The following A1CF variants were observed in gnomAD, a reference collection of about 807,000 sequenced individuals.
A1CF encodes the protein APOBEC1 complementation factor.
Under a neutral mutation model 68.9 loss-of-function variants are expected in A1CF, and 48 were observed. The observed-to-expected ratio is 0.70, with a 90% CI of 0.55 to 0.89. The LOEUF (loss-of-function observed/expected upper bound fraction) is 0.89, where lower values mean the gene tolerates loss of function less well. A1CF is among the 40% of genes least tolerant of loss of function. A1CF has a pLI of 0.00. For synonymous variants in A1CF, 272 were observed against 260.4 expected, an observed-to-expected ratio of 1.04 and a Z score of -0.43; for missense variants, 653 against 718.9, an observed-to-expected ratio of 0.91 and a Z score of 1.05.
intron 1 of A1CF, among the ~76,000 whole-genome samples, chr10:50,879,587 T>C (rs987873636): frequency 6.6e-6 from 1 of 152,120 alleles, no homozygotes; most frequent in Non-Finnish European, 1.5e-5. Flanking sequence ...TTAGGCCTTC[T>C]TATGTGACAG....
At chr10:50,839,765 G>A (rs999549603) in intron 5 of A1CF, among the ~76,000 whole-genome samples, 5 of 152,176 alleles carry the variant, frequency 3.3e-5, no homozygotes, top group African/African-American at 1.2e-4. Context: ...TTTGTTTTTT[G>A]AGACAGAGTT....
intron 7 of A1CF, among the ~76,000 whole-genome samples, chr10:50,827,324 A>T (rs999290606): frequency 3.3e-5 from 5 of 152,210 alleles, no homozygotes; most frequent in African/African-American, 1.2e-4. Context: ...AATCAACAGA[A>T]TATACATTCT....
chr10:50,853,060 T>G (rs1179415212), intron 3 of A1CF, among the ~76,000 whole-genome samples: 6 of 152,106 alleles, frequency 3.9e-5, no homozygotes, highest in Non-Finnish European at 7.4e-5. Context: ...TGAAATTCCA[T>G]ACAAGAGAGA....
Position 50,811,016 on chromosome 10 carries a change from A to G in A1CF, c.1460+24T>C, listed in dbSNP as rs376116129. ...TAAGTGTATCCTGCTCTAAAATGGTAAGGAATTTGGAGAAGTTACGCACAT... is the reference window on the plus strand; with the variant it reads ...TAAGTGTATCCTGCTCTAAAATGGTGAGGAATTTGGAGAAGTTACGCACAT... On this transcript the variant is annotated intron_variant, in intron 11 of 12. Coordinates refer to ENST00000373997, the MANE Select transcript of A1CF (RefSeq NM_014576.4). The G allele has an allele frequency of 3.4e-4, 549 of 1,600,524 alleles. 3 individuals carry two copies. The highest frequency in any genetic ancestry group is 2.5e-4 in the Non-Finnish European group (295 of 1,171,584).
intron 12 of A1CF, among the ~76,000 whole-genome samples, chr10:50,807,678 A>G (rs961513397): frequency 2.0e-5 from 3 of 152,240 alleles, no homozygotes; most frequent in African/African-American, 7.2e-5. Context: ...ATTAGCTACT[A>G]TCTAAAGCAT....
Position 50,816,209 on chromosome 10 carries a change from G to C in A1CF, c.938C>G (p.Thr313Ser). Residue 313 changes from threonine to serine, a missense_variant, in exon 9 of 13, where the codon ACC becomes AGC. Physicochemically the swap from Thr to Ser is moderately conservative, Grantham distance 58. Transcript: ENST00000373997. ...PVDKDSYVRY[T>S]RGTGGRGTML... Reference sequence around the variant, plus strand: ...GGTGCCCCTTCCACCTGTGCCTCGGGTATACCTAACATAACTGTCCTTGTC... The same window carrying C: ...GGTGCCCCTTCCACCTGTGCCTCGGCTATACCTAACATAACTGTCCTTGTC... 1 of 1,613,738 alleles carries C rather than the reference G, an allele frequency of 6.2e-7. No homozygotes were observed. The highest frequency in any genetic ancestry group is 2.2e-5 in the East Asian group (1 of 44,842).
intron 6 of A1CF, among the ~76,000 whole-genome samples, chr10:50,834,181 G>T (rs1839379528): frequency 6.6e-6 from 1 of 152,180 alleles, no homozygotes; most frequent in Non-Finnish European, 1.5e-5. Flanking sequence ...GGGATTACTG[G>T]ATTGTCTTGA....
At position 50,799,782 on chromosome 10, in the gene A1CF, A is replaced by T. The variant is rs772378986; in HGVS notation, c.*6947T>A. ...AGATTGTTAAACATCTGGAAACTAT[A>T]AATGCATTTTGCTGACAGCTTGCTT... On this transcript the variant is annotated 3_prime_UTR_variant, in exon 13 of 13. Transcript: ENST00000373997. 10 of 152,286 alleles carry T rather than the reference A, an allele frequency of 6.6e-5. No individual in the cohort carries two copies. The highest frequency in any genetic ancestry group is 1.3e-4 in the Non-Finnish European group (9 of 67,978). 9.4% of individuals were successfully genotyped at this position (152,286 alleles called of 1,614,324 possible).
At chr10:50,826,870 G>A (rs999676738) in intron 7 of A1CF, among the ~76,000 whole-genome samples, 5 of 152,084 alleles carry the variant, frequency 3.3e-5, no homozygotes, top group African/African-American at 7.2e-5. Context: ...TCATCAGTGC[G>A]CTGTATTCAG....
intron 1 of A1CF, among the ~76,000 whole-genome samples, chr10:50,867,792 A>G (rs1263478256): frequency 6.6e-6 from 1 of 152,228 alleles, no homozygotes; most frequent in African/African-American, 2.4e-5. Flanking sequence ...TAAAGTAATT[A>G]TCCTCGACTT....
intron 1 of A1CF, among the ~76,000 whole-genome samples, chr10:50,876,923 A>G (rs1458608402): frequency 6.6e-6 from 1 of 152,218 alleles, no homozygotes; most frequent in Admixed American, 6.5e-5. Flanking sequence ...CTTCTAGAGA[A>G]CACTGAATAA....
In A1CF at chr10:50,816,107, A is replaced by G; in HGVS notation, c.1040T>C (p.Phe347Ser). ...PTTTYLGAPVFYAPQTYAAIP... is the reference protein window; with the variant it reads ...PTTTYLGAPVSYAPQTYAAIP... ...TGCTGCATAGGTCTGGGGGGCATAGAAGACAGGAGCTCCAAGGTAGGTTGT... is the reference window on the plus strand; with the variant it reads ...TGCTGCATAGGTCTGGGGGGCATAGGAGACAGGAGCTCCAAGGTAGGTTGT... The change falls in exon 9 of 13, where the codon TTC (phenylalanine) becomes TCC (serine). Residue 347 changes from phenylalanine to serine, a missense_variant. Transcript: ENST00000373997. The G allele has an allele frequency of 1.2e-6, 2 of 1,613,828 alleles. No individual in the cohort carries two copies.
At position 50,804,987 on chromosome 10, in the gene A1CF, C is replaced by T. The variant is rs994566748; in HGVS notation, c.*1742G>A. 4.6e-5 allele frequency: 7 copies of T among 152,170 alleles called. No individual in the cohort carries two copies. The highest frequency in any genetic ancestry group is 1.7e-4 in the African/African-American group (7 of 41,430). The allele number at this position is 152,170 out of a possible 1,614,324, so 9.4% of individuals were successfully genotyped here. A position where few individuals can be genotyped will look rare whatever the true frequency, so the allele number is the denominator to read the frequency against. ...AATGTACAGCCTACTTTGGGAACTA[C>T]TGTCCTAGGAAATATTAGACGCTAA... On this transcript the variant is annotated 3_prime_UTR_variant, in exon 13 of 13. Coordinates refer to ENST00000373997, the MANE Select transcript of A1CF (RefSeq NM_014576.4).
intron 2 of A1CF, among the ~76,000 whole-genome samples, chr10:50,863,475 A>G (rs1170342165): frequency 6.6e-6 from 1 of 152,226 alleles, no homozygotes; most frequent in Admixed American, 6.5e-5. Flanking sequence ...CTTTGGAAAG[A>G]TAGAGAAAAG....
At chr10:50,815,863 C>T in intron 9 of A1CF, 143 bp downstream of exon 9, 1 of 962,954 alleles carries the variant, frequency 1.0e-6, no homozygotes, top group Non-Finnish European at 1.5e-6. Context: ...TAAAGGAAAA[C>T]TATTGATATA....
rs532777078 is a variant in A1CF, at chr10:50,799,922, T to A, written c.*6807A>T. ...AAAATTCCAATGGTTACATTAAATA[T>A]TTAAACCAGTGATAATGATGAATTG... On this transcript the variant is annotated 3_prime_UTR_variant, in exon 13 of 13. Coordinates refer to ENST00000373997, the MANE Select transcript of A1CF (RefSeq NM_014576.4). The A allele has an allele frequency of 1.3e-5, 2 of 152,240 alleles. No homozygotes were observed. Among genetic ancestry groups the A allele is most frequent in the East Asian group, 3.9e-4 (2 of 5,190 alleles). 9.4% of individuals were successfully genotyped at this position (152,240 alleles called of 1,614,324 possible). A position where few individuals can be genotyped will look rare whatever the true frequency, so the allele number is the denominator to read the frequency against.
At chr10:50,850,592 T>TTG (rs58342464) in intron 3 of A1CF, 276,130 of 1,442,216 alleles carry the variant, frequency 0.19, 15,791 homozygotes, top group African/African-American at 0.36. Context: ...CAAAAAGCAT[T>TTG]TGTGTGTGTG....
At chr10:50,872,128 C>A (rs1841296960) in intron 1 of A1CF, among the ~76,000 whole-genome samples, 1 of 151,846 alleles carries the variant, frequency 6.6e-6, no homozygotes, top group Admixed American at 6.6e-5. Flanking sequence ...AGCTTATAAA[C>A]ATGATTTAAA....
Position 50,799,565 on chromosome 10 carries a change from T to TC in A1CF, c.*7163dup, listed in dbSNP as rs1394457323. ...ATATCTTCCAAACCAAAGATTATTT[T>TC]CCCAACAAGTGAATGGTGTAATTTT... On this transcript the variant is annotated 3_prime_UTR_variant, in exon 13 of 13. Coordinates refer to ENST00000373997, the MANE Select transcript of A1CF (RefSeq NM_014576.4). The TC allele has an allele frequency of 6.6e-6, 1 of 152,158 alleles. No homozygotes were observed. The highest frequency in any genetic ancestry group is 2.4e-5 in the African/African-American group (1 of 41,448). 9.4% of individuals were successfully genotyped at this position (152,158 alleles called of 1,614,324 possible). A position where few individuals can be genotyped will look rare whatever the true frequency, so the allele number is the denominator to read the frequency against.
Sources: gnomAD v4.1 joint callset for allele counts (sites outside exome capture counted in the v4.1 genomes callset) on GRCh38, gnomAD v4.1.1 for gene constraint, MANE v1.5 for transcripts, NCBI Gene and HGNC (gene_info 2026-07-23, HGNC 2026-07-21) for gene names.